The following ALDH3B1 variants were observed in gnomAD, a reference collection of about 807,000 sequenced individuals.
ALDH3B1 encodes aldehyde dehydrogenase family 3 member B1.
Under a neutral mutation model 46.2 loss-of-function variants are expected in ALDH3B1, and 37 were observed. The ratio of observed to expected loss-of-function variants is 0.80; its 90% CI spans 0.62 to 1.05. ALDH3B1 has a LOEUF of 1.05. Ranked by LOEUF, ALDH3B1 falls within the 50% of genes least tolerant of loss-of-function variation. ALDH3B1 has a pLI of 0.00. For missense variants in ALDH3B1, 603 were observed against 665.5 expected (o/e 0.91, Z 1.03); for synonymous variants, 283 against 281.0 (o/e 1.01, Z -0.07).
intron 9 of ALDH3B1, 25 bp downstream of exon 9, chr11:68,026,133 C>T (rs1302062541): frequency 3.2e-6 from 5 of 1,562,386 alleles, no homozygotes; most frequent in Non-Finnish European, 4.3e-6. Context: ...CCCTGCCCTT[C>T]TGTTACCATT....
In ALDH3B1 at chr11:68,014,055, C is replaced by T. The variant is rs77365781; in HGVS notation, c.-1-1242C>T. On this transcript the variant is annotated intron_variant, in intron 1 of 9. Coordinates refer to ENST00000342456, the MANE Select transcript of ALDH3B1 (RefSeq NM_000694.4). The stretch of plus-strand genomic sequence containing the variant: ...CAATCACCCACAGCCTTGCGCTCAC[C>T]GATGCTGGGCCCTGGGCTCAGAACC... Among the ~76,000 whole-genome samples the T allele has an allele frequency of 2.2e-4, 33 of 152,310 alleles. No homozygotes were observed. In the East Asian group the frequency reaches 5.4e-3, roughly 25 times the overall value.
chr11:68,016,473 T>C (rs528693855), intron 2 of ALDH3B1: 1 of 152,526 alleles, frequency 6.6e-6, no homozygotes, highest in Admixed American at 6.5e-5. Flanking sequence ...GCAGGCATCA[T>C]GGCCTCTGTC....
intron 9 of ALDH3B1, 71 bp from the exon 10 acceptor site, chr11:68,027,678 G>A (rs1006099560): frequency 1.5e-5 from 22 of 1,467,448 alleles, no homozygotes; most frequent in Middle Eastern, 3.5e-4. Context: ...GAAGTAGCCC[G>A]CCTAGGCCCC....
In ALDH3B1 at chr11:68,028,897, T is replaced by G. The variant is rs1296028166; in HGVS notation, c.*958T>G. 3.9e-5 allele frequency: 6 copies of G among 152,300 alleles called. No homozygotes were observed. In the East Asian group the frequency reaches 1.2e-3, roughly 29 times the overall value. 9.4% of individuals were successfully genotyped at this position (152,300 alleles called of 1,614,324 possible). On this transcript the variant is annotated 3_prime_UTR_variant, in exon 10 of 10. Coordinates refer to ENST00000342456, the MANE Select transcript of ALDH3B1 (RefSeq NM_000694.4). ...CCATGCCAGAGGAGCTTGTAACTCTTTATCCTCATGGTGCCCACTACGAGT... is the reference window on the plus strand; with the variant it reads ...CCATGCCAGAGGAGCTTGTAACTCTGTATCCTCATGGTGCCCACTACGAGT...
At position 68,019,229 on chromosome 11, in the gene ALDH3B1, G is replaced by A. The variant is rs575081185; in HGVS notation, c.454G>A (p.Glu152Lys). ...ISKNVEKILA[E>K]VLPQYVDQSC... ...CAAGAACGTCGAGAAGATCCTGGCC[G>A]AGGTGCTGCCCCAATACGTGGACCA... Residue 152 changes from glutamate (E) to lysine (K), a missense_variant, in exon 5 of 10, where the codon GAG becomes AAG. Transcript: ENST00000342456. 30 of 1,613,264 alleles carry A rather than the reference G, an allele frequency of 1.9e-5. No homozygotes were observed. The highest frequency in any genetic ancestry group is 3.3e-5 in the South Asian group (3 of 90,886).
chr11:68,020,913 G>A (rs1857476752), intron 6 of ALDH3B1, among the ~76,000 whole-genome samples: 1 of 152,158 alleles, frequency 6.6e-6, no homozygotes, highest in Non-Finnish European at 1.5e-5. Flanking sequence ...AGACTGCTGG[G>A]CCCCTGGAGG....
In ALDH3B1 at chr11:68,022,771, C is replaced by A; in HGVS notation, c.1116+10C>A. The A allele has an allele frequency of 6.2e-7, 1 of 1,613,546 alleles. No individual in the cohort carries two copies. The highest frequency in any genetic ancestry group is 8.5e-7 in the Non-Finnish European group (1 of 1,179,868). ...CTCCAACAGCAGCCAGGTGGGGGTG[C>A]GGCCGGGCTGGGCAGGGTCAGGAGC... On this transcript the variant is annotated intron_variant, in intron 8 of 9. Coordinates refer to ENST00000342456, the MANE Select transcript of ALDH3B1 (RefSeq NM_000694.4).
intron 2 of ALDH3B1, chr11:68,017,319 T>C (rs1857373793): frequency 6.6e-6 from 1 of 152,288 alleles, no homozygotes; most frequent in African/African-American, 2.4e-5. Context: ...GGGCGTGGCG[T>C]CTTCCTCCCT....
intron 2 of ALDH3B1, 179 bp from the exon 3 acceptor site, chr11:68,018,348 G>T (rs1194881449): frequency 1.7e-6 from 1 of 604,822 alleles, no homozygotes; most frequent in East Asian, 2.9e-5. Context: ...CGGTCCCTCT[G>T]TTTGGCACAG....
In ALDH3B1 at chr11:68,021,809, C is replaced by G; in HGVS notation, c.887C>G (p.Ala296Gly). 1.2e-6 allele frequency: 2 copies of G among 1,614,130 alleles called. No individual in the cohort carries two copies. Among genetic ancestry groups the G allele is most frequent in the Non-Finnish European group, 1.7e-6 (2 of 1,179,984 alleles). ...INQKQFQRLR[A>G]LLGCGRVAIG... ...CAGAAACAGTTCCAGCGGCTGCGGG[C>G]ATTGCTGGGCTGCGGCCGTGTGGCC... Residue 296 changes from alanine to glycine, a missense_variant, in exon 7 of 10, where the codon GCA becomes GGA. Coordinates refer to ENST00000342456, the MANE Select transcript of ALDH3B1 (RefSeq NM_000694.4).
upstream of ALDH3B1, among the ~76,000 whole-genome samples, chr11:68,009,043 A>G (rs1857180287): frequency 6.6e-6 from 1 of 152,170 alleles, no homozygotes; most frequent in Non-Finnish European, 1.5e-5. Flanking sequence ...ACGTGGCATC[A>G]TGACCACGGT....
At position 68,018,831 on chromosome 11, in the gene ALDH3B1, T is replaced by C. The variant is rs746087368; in HGVS notation, c.332T>C (p.Ile111Thr). ...RKEPFGLVLI[I>T]APWNYPLNLT... Reference sequence around the variant, plus strand: ...GAGCCCTTTGGCCTGGTCCTCATCATTGCGCCCTGGAACTATCCGCTGAAC... The same window carrying C: ...GAGCCCTTTGGCCTGGTCCTCATCACTGCGCCCTGGAACTATCCGCTGAAC... The change falls in exon 4 of 10, where the codon ATT becomes ACT. Residue 111 changes from isoleucine (I) to threonine (T), a missense_variant. Physicochemically the swap from Ile to Thr is moderately conservative, Grantham distance 89. Transcript: ENST00000342456. 1.3e-6 allele frequency: 2 copies of C among 1,565,428 alleles called. No homozygotes were observed. The highest frequency in any genetic ancestry group is 1.4e-5 in the African/African-American group (1 of 73,500).
chr11:68,021,883 TG>T lies in ALDH3B1; in HGVS notation c.949+13del, dbSNP rs762318888. ...CGATCGCTACATCGGTGAGTCCTGC[TG>T]CCCCTACCACAGCCCACCTGGGCCA... On this transcript the variant is annotated intron_variant, in intron 7 of 9. Coordinates refer to ENST00000342456, the MANE Select transcript of ALDH3B1 (RefSeq NM_000694.4). 40 of 1,581,218 alleles carry T rather than the reference TG, an allele frequency of 2.5e-5. 1 individual carries two copies. The East Asian group carries it at 8.5e-4, about 34-fold the overall frequency.
chr11:68,013,112 A>G (rs1008107044), intron 1 of ALDH3B1, among the ~76,000 whole-genome samples: 36 of 152,032 alleles, frequency 2.4e-4, no homozygotes, highest in Non-Finnish European at 4.6e-4. Flanking sequence ...CACCCTCGGG[A>G]GATAACAGGC....
rs1181434203 is a variant in ALDH3B1, at chr11:68,019,784, ATCT to A, written c.556_558del (p.Phe186del). ...GCTGCTAGAGCACAGGTTCGACTAC[ATCT>A]TCTTCACAGGTGAGGCCGGGACGAG... On this transcript the variant is annotated inframe_deletion, in exon 6 of 10. Transcript: ENST00000342456. The A allele has an allele frequency of 6.8e-6, 11 of 1,613,922 alleles. No homozygotes were observed. The highest frequency in any genetic ancestry group is 2.7e-5 in the African/African-American group (2 of 74,918).
Position 68,015,315 on chromosome 11 carries a change from C to T in ALDH3B1, c.18C>T (p.Asp6=). 6.6e-7 allele frequency: 1 copy of T among 1,504,884 alleles called. No individual in the cohort carries two copies. Among genetic ancestry groups the T allele is most frequent in the African/African-American group, 1.4e-5 (1 of 72,386 alleles). The allele number at this position is 1,504,884 out of a possible 1,614,324, so 93.2% of individuals were successfully genotyped here. ...CTGGCAGGATGGACCCCCTTGGGGA[C>T]ACGCTGCGGCGACTGCGGGAGGCCT... is the stretch of plus-strand genomic sequence containing the variant. The part of the protein sequence containing the change: MDPLG[D]TLRRLREAFH... The change falls in exon 2 of 10, where the codon GAC becomes GAT. Residue 6 remains aspartate (D), a synonymous_variant. Transcript: ENST00000342456.
intron 7 of ALDH3B1, among the ~76,000 whole-genome samples, chr11:68,022,204 T>C (rs1241942021): frequency 6.6e-6 from 1 of 152,170 alleles, no homozygotes; most frequent in Non-Finnish European, 1.5e-5. Context: ...CCCCAGGTTC[T>C]AAACTCCGAG....
intron 8 of ALDH3B1, among the ~76,000 whole-genome samples, chr11:68,023,955 G>A (rs1857564688): frequency 6.7e-6 from 1 of 149,134 alleles, no homozygotes; most frequent in African/African-American, 2.5e-5. Context: ...TGAGGTGGAA[G>A]GATCTCCTGA....
At position 68,019,613 on chromosome 11, in the gene ALDH3B1, C is replaced by T. The variant is rs568130666; in HGVS notation, c.481-102C>T. The T allele has an allele frequency of 3.0e-6, 4 of 1,329,592 alleles. No individual in the cohort carries two copies. In the South Asian group the frequency reaches 5.2e-5, roughly 17 times the overall value. The allele number at this position is 1,329,592 out of a possible 1,614,324, so 82.4% of individuals were successfully genotyped here. A position where few individuals can be genotyped will look rare whatever the true frequency, so the allele number is the denominator to read the frequency against. ...TCCTAGAGCCCTGGCTGGGTCAGGC[C>T]AGGCGGGGTGGAGGCAGGGCAGGGT... On this transcript the variant is annotated intron_variant, in intron 5 of 9. Transcript: ENST00000342456.
Sources: gnomAD v4.1 joint callset for allele counts (sites outside exome capture counted in the v4.1 genomes callset) on GRCh38, gnomAD v4.1.1 for gene constraint, MANE v1.5 for transcripts, NCBI Gene and HGNC (gene_info 2026-07-23, HGNC 2026-07-21) for gene names.